The following PCDHAC2 variants were observed in gnomAD, a reference collection of about 807,000 sequenced individuals.
PCDHAC2 encodes the protein protocadherin alpha subfamily C, 2.
PCDHAC2 carries 24 observed loss-of-function variants against 63.3 expected under a neutral mutation model. That is an observed-to-expected ratio of 0.38 (90% confidence interval 0.27 to 0.53). PCDHAC2 has a LOEUF of 0.53. Among genes scored for constraint, PCDHAC2 ranks in the 20% least tolerant of loss-of-function variants. The pLI is 0.81. For synonymous variants in PCDHAC2, 569 were observed against 529.4 expected, an observed-to-expected ratio of 1.07 and a Z score of -1.03; for missense variants, 1,181 against 1,275.2, an observed-to-expected ratio of 0.93 and a Z score of 1.12.
chr5:140,982,623 C>T, intron 3 of PCDHAC2, 60 bp downstream of exon 3: 1 of 1,583,652 alleles, frequency 6.3e-7, no homozygotes, highest in South Asian at 1.2e-5. Context: ...AGATGACCTA[C>T]TTTTGTAAGA....
rs1554244455 is a variant in PCDHAC2 at position 140,982,542 on chromosome 5, A to G, written c.2692A>G (p.Thr898Ala). The G allele has an allele frequency of 1.9e-6, 3 of 1,614,210 alleles. No homozygotes were observed. The highest frequency in any genetic ancestry group is 2.2e-5 in the East Asian group (1 of 44,888). Residue 898 changes from threonine (T) to alanine (A), a missense_variant, in exon 3 of 4, where the codon ACA becomes GCA. Transcript: ENST00000289269. ...GPGGPDQQWP[T>A]VSSATPEPEA... ...AGGAGGGCCTGATCAGCAGTGGCCA[A>G]CAGTATCCAGTGCAACACCAGGTAA...
At position 140,967,838 on chromosome 5, in the gene PCDHAC2, G is replaced by A; in HGVS notation, c.1072G>A (p.Val358Met). ...HCKVLVDIVD[V>M]NDNAPEVVLT... ...CAAGGTGCTGGTGGACATCGTGGAC[G>A]TGAATGACAATGCCCCAGAGGTGGT... The change falls in exon 1 of 4, where the codon GTG becomes ATG. Residue 358 changes from valine (V) to methionine (M), a missense_variant. Coordinates refer to ENST00000289269, the MANE Select transcript of PCDHAC2 (RefSeq NM_018899.6). 1 of 1,614,124 alleles carries A rather than the reference G, an allele frequency of 6.2e-7. No homozygotes were observed. Among genetic ancestry groups the A allele is most frequent in the Non-Finnish European group, 8.5e-7 (1 of 1,180,030 alleles).
chr5:140,983,966 C>A (rs782428444), intron 3 of PCDHAC2, among the ~76,000 whole-genome samples: 1 of 152,048 alleles, frequency 6.6e-6, no homozygotes, highest in Non-Finnish European at 1.5e-5. Flanking sequence ...CACATTTGTC[C>A]AAAAAATATA....
Position 141,009,928 on chromosome 5 carries a change from T to C in PCDHAC2, c.3015T>C (p.Ser1005=), listed in dbSNP as rs373891102. The change falls in exon 4 of 4, where the codon AGT becomes AGC. Residue 1005 remains serine (S), a synonymous_variant. Transcript: ENST00000289269. The stretch of plus-strand genomic sequence containing the variant: ...AAGGGAACAGCACGACTGACAACAG[T>C]GACCAGTGAGGTCCTCAAATGGAAA... ...KEKGNSTTDN[S]DQ is the part of the protein sequence containing the mutation. 3 of 1,607,808 alleles carry C rather than the reference T, an allele frequency of 1.9e-6. No homozygotes were observed. The highest frequency in any genetic ancestry group is 2.5e-6 in the Non-Finnish European group (3 of 1,178,138).
Position 140,993,262 on chromosome 5 carries a change from C to T in PCDHAC2, c.2713+10699C>T, listed in dbSNP as rs75542242. ...CTGGGGATTTAGATATATAAATTAG[C>T]TTCTTTGGTCTTTTCTTGCCCAGGG... On this transcript the variant is annotated intron_variant, in intron 3 of 3. Transcript: ENST00000289269. Among the ~76,000 whole-genome samples the T allele has an allele frequency of 6.3e-3, 965 of 152,148 alleles. 15 individuals are homozygous for T. Among genetic ancestry groups the T allele is most frequent in the African/African-American group, 0.023 (934 of 41,492 alleles).
At chr5:141,001,726 T>G (rs2098034769) in intron 3 of PCDHAC2, among the ~76,000 whole-genome samples, 1 of 152,116 alleles carries the variant, frequency 6.6e-6, no homozygotes, top group Admixed American at 6.6e-5. Flanking sequence ...GCTTGAGATA[T>G]TTTACAACCT....
At chr5:141,005,490 TC>T (rs1451220963) in intron 3 of PCDHAC2, among the ~76,000 whole-genome samples, 1 of 151,242 alleles carries the variant, frequency 6.6e-6, no homozygotes. Flanking sequence ...GATCATGAGG[TC>T]AGGAGATCGA....
rs1469537973 is a variant in PCDHAC2 at position 140,968,831 on chromosome 5, C to T, written c.2065C>T (p.Pro689Ser). 2 of 1,614,020 alleles carry T rather than the reference C, an allele frequency of 1.2e-6. No individual in the cohort carries two copies. The highest frequency in any genetic ancestry group is 8.5e-7 in the Non-Finnish European group (1 of 1,180,036). ...AVVDRVSKIL[P>S]DTQRHVKSPR... is the part of the protein sequence containing the mutation. ...GGTGGATAGGGTTTCCAAAATCCTC[C>T]CTGACACTCAGAGGCATGTTAAGAG... The change falls in exon 1 of 4, where the codon CCT becomes TCT. Residue 689 changes from proline to serine, a missense_variant. Pro to Ser is a moderately conservative substitution (Grantham distance 74). Transcript: ENST00000289269.
intron 3 of PCDHAC2, among the ~76,000 whole-genome samples, chr5:140,993,462 T>TCTCACA (rs1235362335): frequency 7.1e-6 from 1 of 140,938 alleles, no homozygotes; most frequent in Non-Finnish European, 1.5e-5. Flanking sequence ...TCTTTCTTTC[T>TCTCACA]CACACACACA....
chr5:141,010,378 A>C lies in PCDHAC2; in HGVS notation c.*441A>C. ...GCTACCGCGGGTATGCGAGTGCCAG[A>C]TATTGGCTGAGACGAGCCAGCTTAG... is the stretch of plus-strand genomic sequence containing the variant. On this transcript the variant is annotated 3_prime_UTR_variant, in exon 4 of 4. Coordinates refer to ENST00000289269, the MANE Select transcript of PCDHAC2 (RefSeq NM_018899.6). 6.9e-7 allele frequency: 1 copy of C among 1,450,180 alleles called. No individual in the cohort carries two copies. Among genetic ancestry groups the C allele is most frequent in the Non-Finnish European group, 9.2e-7 (1 of 1,092,666 alleles). 89.8% of individuals were successfully genotyped at this position (1,450,180 alleles called of 1,614,324 possible).
At chr5:140,972,740 T>G (rs2096553417) in intron 1 of PCDHAC2, among the ~76,000 whole-genome samples, 1 of 149,910 alleles carries the variant, frequency 6.7e-6, no homozygotes, top group Admixed American at 6.8e-5. Flanking sequence ...CCCGGCTCAC[T>G]GCAACCTCCG....
chr5:141,004,403 C>T (rs1424370254), intron 3 of PCDHAC2, among the ~76,000 whole-genome samples: 1 of 152,166 alleles, frequency 6.6e-6, no homozygotes, highest in Non-Finnish European at 1.5e-5. Flanking sequence ...GGAGGAGGCA[C>T]CTGACTAGAT....
At chr5:140,976,470 G>A (rs1388811059) in intron 1 of PCDHAC2, among the ~76,000 whole-genome samples, 3 of 152,116 alleles carry the variant, frequency 2.0e-5, no homozygotes, top group Non-Finnish European at 4.4e-5. Context: ...AGAATTGCTT[G>A]AATCCGGGAG....
chr5:140,983,334 T>A (rs1314550664), intron 3 of PCDHAC2, among the ~76,000 whole-genome samples: 1 of 152,234 alleles, frequency 6.6e-6, no homozygotes, highest in African/African-American at 2.4e-5. Context: ...GCCCTATCAC[T>A]AAAGCAGGGT....
Position 141,009,916 on chromosome 5 carries a change from G to T in PCDHAC2, c.3003G>T (p.Thr1001=). The change falls in exon 4 of 4, where the codon ACG becomes ACT. Residue 1001 remains threonine, a synonymous_variant. Coordinates refer to ENST00000289269, the MANE Select transcript of PCDHAC2 (RefSeq NM_018899.6). ...AGAAAAAAGAGAAAGGGAACAGCAC[G>T]ACTGACAACAGTGACCAGTGAGGTC... ...TQEKKEKGNS[T]TDNSDQ The T allele has an allele frequency of 6.2e-7, 1 of 1,611,502 alleles. No individual in the cohort carries two copies. Among genetic ancestry groups the T allele is most frequent in the South Asian group, 1.1e-5 (1 of 90,550 alleles).
intron 3 of PCDHAC2, among the ~76,000 whole-genome samples, chr5:140,988,661 A>G (rs1411850477): frequency 6.6e-6 from 1 of 152,186 alleles, no homozygotes; most frequent in Non-Finnish European, 1.5e-5. Context: ...TTGTTTATGA[A>G]TAGACTCTAA....
intron 3 of PCDHAC2, among the ~76,000 whole-genome samples, chr5:140,984,413 CAGAGAT>C (rs1244237847): frequency 1.3e-5 from 2 of 152,148 alleles, no homozygotes; most frequent in African/African-American, 4.8e-5. Context: ...ATCTTTTTTA[CAGAGAT>C]AGAGAAGGGG....
rs573174481 is a variant in PCDHAC2 at position 140,990,482 on chromosome 5, T to C, written c.2713+7919T>C. Among the ~76,000 whole-genome samples, 3 of 152,318 alleles carry C rather than the reference T, an allele frequency of 2.0e-5. No homozygotes were observed. In the South Asian group the frequency reaches 6.2e-4, roughly 32 times the overall value. On this transcript the variant is annotated intron_variant, in intron 3 of 3. Transcript: ENST00000289269. ...AGGTGGTATCATGTATCAAGCTGAA[T>C]AGTGAGGTGACATTCCCCAAGTCTT... is the stretch of plus-strand genomic sequence containing the variant.
intron 3 of PCDHAC2, among the ~76,000 whole-genome samples, chr5:141,004,805 A>G (rs1588069791): frequency 6.6e-6 from 1 of 152,310 alleles, no homozygotes; most frequent in African/African-American, 2.4e-5. Flanking sequence ...GCTGAGCTCA[A>G]TTGCAGATTT....
Sources: allele counts gnomAD v4.1 joint callset (sites outside exome capture counted in the v4.1 genomes callset), GRCh38; gene constraint gnomAD v4.1.1; transcripts MANE v1.5; gene names NCBI Gene and HGNC (gene_info 2026-07-23, HGNC 2026-07-21).